Variants in MAF observed in about 807,000 individuals in gnomAD.
MAF encodes MAF bZIP transcription factor, also known as transcription factor Maf.
Under a neutral mutation model 22.0 loss-of-function variants are expected in MAF, and 10 were observed. The ratio of observed to expected loss-of-function variants is 0.45; its 90% confidence interval spans 0.28 to 0.77. MAF has a LOEUF of 0.77. Ranked by LOEUF, MAF falls within the 30% of genes least tolerant of loss-of-function variation. The pLI is 0.12. For synonymous variants in MAF, 337 were observed against 255.8 expected (o/e 1.32, Z -3.03); for missense variants, 544 against 548.4 (o/e 0.99, Z 0.08).
At chr16:79,543,861 T>C in the MAF span, among the ~76,000 whole-genome samples, 33 of 151,990 alleles carry the variant, frequency 2.2e-4, 1 homozygote, top group Admixed American at 1.4e-3. Context: ...TAATTTTTTA[T>C]ATTTTTAGCA....
chr16:79,538,460 A>C, the MAF span, among the ~76,000 whole-genome samples: 1 of 152,246 alleles, frequency 6.6e-6, no homozygotes, highest in Admixed American at 6.5e-5. Flanking sequence ...AAATGAAGAA[A>C]GTATGGGGGA....
chr16:79,211,984 A>T, the MAF span: 1 of 1,536,182 alleles, frequency 6.5e-7, no homozygotes, highest in Non-Finnish European at 8.7e-7. Context: ...GGGGTAAAGT[A>T]TCACTTTTCT....
chr16:79,403,960 G>C, the MAF span, among the ~76,000 whole-genome samples: 2,483 of 152,198 alleles, frequency 0.016, 26 homozygotes, highest in South Asian at 0.026. Flanking sequence ...GGGCAAAGTG[G>C]AGGAGGGAAG....
chr16:79,465,086 C>A, the MAF span, among the ~76,000 whole-genome samples: 2 of 152,148 alleles, frequency 1.3e-5, no homozygotes, highest in African/African-American at 2.4e-5. Flanking sequence ...CCTGAGCAAC[C>A]ATCCTATGAG....
At chr16:79,452,104 C>G in the MAF span, among the ~76,000 whole-genome samples, 1 of 152,208 alleles carries the variant, frequency 6.6e-6, no homozygotes, top group Non-Finnish European at 1.5e-5. Context: ...TTTTGTGCTA[C>G]AGTGACAGAA....
At chr16:79,375,299 T>C in the MAF span, among the ~76,000 whole-genome samples, 23 of 152,200 alleles carry the variant, frequency 1.5e-4, no homozygotes, top group Non-Finnish European at 3.2e-4. Flanking sequence ...ATTGATTCTG[T>C]CCAGCAAATA....
chr16:79,249,777 C>T, the MAF span, among the ~76,000 whole-genome samples: 1 of 151,778 alleles, frequency 6.6e-6, no homozygotes, highest in African/African-American at 2.4e-5. Flanking sequence ...TCTCTTCTTT[C>T]CTCCTTCATG....
chr16:79,493,893 T>A, the MAF span, among the ~76,000 whole-genome samples: 1 of 151,434 alleles, frequency 6.6e-6, no homozygotes, highest in Non-Finnish European at 1.5e-5. Flanking sequence ...GGTGGATGTG[T>A]ATTCATGGAA....
At chr16:79,472,162 G>T in the MAF span, among the ~76,000 whole-genome samples, 1 of 152,032 alleles carries the variant, frequency 6.6e-6, no homozygotes, top group East Asian at 1.9e-4. Flanking sequence ...CAAATCCCCA[G>T]TCAACCCTCA....
chr16:79,305,684 T>A, the MAF span, among the ~76,000 whole-genome samples: 234 of 152,306 alleles, frequency 1.5e-3, 2 homozygotes, highest in African/African-American at 5.2e-3. Context: ...GAACCTGAGC[T>A]GTAATAGACG....
the MAF span, among the ~76,000 whole-genome samples, chr16:79,575,871 T>C: frequency 6.6e-6 from 1 of 152,162 alleles, no homozygotes; most frequent in African/African-American, 2.4e-5. Flanking sequence ...ATACTACCTC[T>C]GCTTTCCTTG....
At chr16:79,517,865 G>A in the MAF span, among the ~76,000 whole-genome samples, 37 of 152,212 alleles carry the variant, frequency 2.4e-4, no homozygotes, top group African/African-American at 7.7e-4. Flanking sequence ...ATGAGCCACC[G>A]CTTTTGGCTT....
the MAF span, among the ~76,000 whole-genome samples, chr16:79,416,664 C>T: frequency 1.2e-4 from 18 of 152,086 alleles, no homozygotes; most frequent in Admixed American, 7.9e-4. Flanking sequence ...TTCCTGGGAG[C>T]GCGGTGCTCC....
the MAF span, among the ~76,000 whole-genome samples, chr16:79,306,165 A>T: frequency 5.9e-5 from 9 of 152,328 alleles, no homozygotes; most frequent in South Asian, 2.1e-4. Flanking sequence ...TTAAGATGAT[A>T]AATTCCCCTG....
At chr16:79,301,902 T>C in the MAF span, among the ~76,000 whole-genome samples, 28 of 152,344 alleles carry the variant, frequency 1.8e-4, no homozygotes, top group Admixed American at 6.5e-4. Flanking sequence ...TCAGAGAAGT[T>C]AGGTTACTTT....
chr16:79,381,238 C>T, the MAF span, among the ~76,000 whole-genome samples: 3 of 152,248 alleles, frequency 2.0e-5, no homozygotes, highest in Non-Finnish European at 2.9e-5. Context: ...CTTACCAAAC[C>T]GATATTTCCT....
At chr16:79,572,920 G>A in the MAF span, among the ~76,000 whole-genome samples, 1 of 152,214 alleles carries the variant, frequency 6.6e-6, no homozygotes, top group African/African-American at 2.4e-5. Flanking sequence ...AATATTAGCT[G>A]CTTAAGAGGT....
the MAF span, among the ~76,000 whole-genome samples, chr16:79,555,703 A>G: frequency 1.3e-5 from 2 of 152,226 alleles, no homozygotes; most frequent in Non-Finnish European, 2.9e-5. Flanking sequence ...GATTAGGGAT[A>G]CTCAGTCAAT....
the MAF span, among the ~76,000 whole-genome samples, chr16:79,510,514 G>A: frequency 6.6e-6 from 1 of 152,148 alleles, no homozygotes. Context: ...TAGAGGCAGA[G>A]TTTGGGTTCC....
Sources: gnomAD v4.1 joint callset for allele counts (sites outside exome capture counted in the v4.1 genomes callset) on GRCh38, gnomAD v4.1.1 for gene constraint, MANE v1.5 for transcripts, NCBI Gene and HGNC (gene_info 2026-07-23, HGNC 2026-07-21) for gene names.